VKORC1L1: variants seen among roughly 807,000 people sequenced by gnomAD.
VKORC1L1 encodes the protein vitamin K epoxide reductase complex subunit 1-like protein 1.
A neutral mutation model predicts 18.9 loss-of-function variants in VKORC1L1; 2 were observed. That is an observed-to-expected ratio of 0.11 (90% CI 0.04 to 0.33). The LOEUF is 0.33. Ranked by LOEUF, VKORC1L1 falls within the 10% of genes least tolerant of loss-of-function variation. The pLI, the probability that VKORC1L1 is intolerant of heterozygous loss-of-function variation, is 1.00. For synonymous variants in VKORC1L1, 96 were observed against 100.0 expected (o/e 0.96, Z 0.24); for missense variants, 123 against 224.1 (o/e 0.55, Z 2.88).
At chr7:65,948,866 C>T in intron 2 of VKORC1L1, 86 bp downstream of exon 2, 6 of 1,501,984 alleles carry the variant, frequency 4.0e-6, no homozygotes, top group Non-Finnish European at 5.4e-6. Flanking sequence ...GATGTTAAAG[C>T]ATGTGTTATT....
intron 1 of VKORC1L1, among the ~76,000 whole-genome samples, chr7:65,934,914 C>T (rs1278324606): frequency 6.6e-6 from 1 of 151,704 alleles, no homozygotes; most frequent in African/African-American, 2.4e-5. Flanking sequence ...ATTAGCCGGG[C>T]GTGGTGGTGG....
intron 1 of VKORC1L1, among the ~76,000 whole-genome samples, chr7:65,892,560 G>T (rs1319828478): frequency 6.6e-6 from 1 of 152,016 alleles, no homozygotes; most frequent in Non-Finnish European, 1.5e-5. Flanking sequence ...TTTGTAATTG[G>T]GGGTTTTTGT....
intron 1 of VKORC1L1, among the ~76,000 whole-genome samples, chr7:65,947,948 C>T (rs1228557585): frequency 1.3e-5 from 2 of 152,168 alleles, no homozygotes; most frequent in African/African-American, 4.8e-5. Flanking sequence ...CTCGGCCTCC[C>T]AAGGTGGTGG....
chr7:65,871,857 C>G (rs1205234760), upstream of VKORC1L1, among the ~76,000 whole-genome samples: 1 of 151,754 alleles, frequency 6.6e-6, no homozygotes, highest in Admixed American at 6.6e-5. Context: ...AGATTCCTAG[C>G]CCGTGGAAAC....
chr7:65,909,028 G>A (rs1380901765), intron 1 of VKORC1L1, among the ~76,000 whole-genome samples: 1 of 150,024 alleles, frequency 6.7e-6, no homozygotes, highest in Non-Finnish European at 1.5e-5. Flanking sequence ...CCAGCACTTT[G>A]GGAGGCCGAG....
intron 2 of VKORC1L1, among the ~76,000 whole-genome samples, chr7:65,950,842 G>A (rs545249839): frequency 2.6e-5 from 4 of 152,268 alleles, no homozygotes; most frequent in South Asian, 2.1e-4. Flanking sequence ...GAAAAGGGTC[G>A]GGTGGTTGGG....
chr7:65,873,030 C>T, upstream of VKORC1L1, among the ~76,000 whole-genome samples: 1 of 147,484 alleles, frequency 6.8e-6, no homozygotes, highest in South Asian at 2.1e-4. Context: ...CGGGCTCCAC[C>T]CCTCGCGCGC....
At chr7:65,924,871 T>G (rs1015323548) in intron 1 of VKORC1L1, among the ~76,000 whole-genome samples, 1 of 152,198 alleles carries the variant, frequency 6.6e-6, no homozygotes, top group Non-Finnish European at 1.5e-5. Context: ...GAATATTGTG[T>G]TCTTCCTTAG....
intron 1 of VKORC1L1, among the ~76,000 whole-genome samples, chr7:65,922,276 C>CTT (rs1430884665): frequency 3.5e-5 from 5 of 143,100 alleles, no homozygotes; most frequent in Non-Finnish European, 7.7e-5. Context: ...GATCATGTTC[C>CTT]TTTTTTTTTT....
intron 1 of VKORC1L1, among the ~76,000 whole-genome samples, chr7:65,939,731 C>T (rs938002143): frequency 1.3e-5 from 2 of 152,166 alleles, no homozygotes; most frequent in African/African-American, 4.8e-5. Flanking sequence ...GACAGGGAAG[C>T]CACAGGTTAC....
Position 65,957,921 on chromosome 7 carries a change from T to G in VKORC1L1, c.*3621T>G, listed in dbSNP as rs1456886443. On this transcript the variant is annotated 3_prime_UTR_variant, in exon 3 of 3. Transcript: ENST00000360768. Reference sequence around the variant, plus strand: ...TATTTGCAAAAGTACAGAGTTATCTTCAGCAATTACTTCACAACTTAGATT... The same window carrying G: ...TATTTGCAAAAGTACAGAGTTATCTGCAGCAATTACTTCACAACTTAGATT... 7.1e-6 allele frequency: 1 copy of G among 141,106 alleles called. No individual in the cohort carries two copies. The highest frequency in any genetic ancestry group is 1.6e-5 in the Non-Finnish European group (1 of 62,362). 8.7% of individuals were successfully genotyped at this position (141,106 alleles called of 1,614,324 possible). A position where few individuals can be genotyped will look rare whatever the true frequency, so the allele number is the denominator to read the frequency against.
At chr7:65,938,890 C>G (rs1202248184) in intron 1 of VKORC1L1, among the ~76,000 whole-genome samples, 1 of 152,142 alleles carries the variant, frequency 6.6e-6, no homozygotes, top group African/African-American at 2.4e-5. Flanking sequence ...ACTCCAAGCA[C>G]TCCGGGGGCT....
intron 1 of VKORC1L1, among the ~76,000 whole-genome samples, chr7:65,907,157 T>G (rs1488976369): frequency 6.6e-6 from 1 of 152,104 alleles, no homozygotes; most frequent in East Asian, 1.9e-4. Context: ...TGGAGGTTTT[T>G]GGCCAGGCTC....
chr7:65,873,422 G>T lies in VKORC1L1; in HGVS notation c.51G>T (p.Val17=). 1 of 1,580,990 alleles carries T rather than the reference G, an allele frequency of 6.3e-7. No homozygotes were observed. The change falls in exon 1 of 3, where the codon GTG becomes GTT. Residue 17 remains valine (V), a synonymous_variant. Transcript: ENST00000360768. ...TGTCGGTGCCGCGGTGGGAGCGGGT[G>T]GCCCGGTATGCAGTGTGCGCTGCCG... ...LRVSVPRWER[V]ARYAVCAAGI...
At chr7:65,898,093 T>TG (rs1789247435) in intron 1 of VKORC1L1, among the ~76,000 whole-genome samples, 1 of 111,490 alleles carries the variant, frequency 9.0e-6, no homozygotes, top group Non-Finnish European at 1.9e-5. Flanking sequence ...TTTTTTTTTT[T>TG]TTTTTTTTTT....
chr7:65,945,236 G>A (rs192129702), intron 1 of VKORC1L1, among the ~76,000 whole-genome samples: 1 of 151,970 alleles, frequency 6.6e-6, no homozygotes, highest in East Asian at 1.9e-4. Flanking sequence ...ACTCCAGCCT[G>A]GGCGACAGAG....
upstream of VKORC1L1, among the ~76,000 whole-genome samples, chr7:65,871,013 T>C (rs1011302679): frequency 6.6e-6 from 1 of 152,144 alleles, no homozygotes; most frequent in African/African-American, 2.4e-5. Flanking sequence ...CTTGAACTGC[T>C]GGCCTCAAGC....
intron 1 of VKORC1L1, among the ~76,000 whole-genome samples, chr7:65,925,408 C>T (rs1789745925): frequency 6.6e-6 from 1 of 152,204 alleles, no homozygotes; most frequent in African/African-American, 2.4e-5. Flanking sequence ...TCACTCTTTC[C>T]AGTTCTGACC....
At chr7:65,929,979 C>G (rs1157719633) in intron 1 of VKORC1L1, among the ~76,000 whole-genome samples, 1 of 151,852 alleles carries the variant, frequency 6.6e-6, no homozygotes, top group African/African-American at 2.4e-5. Context: ...TAATTTTCAG[C>G]TTATAAATAC....
Sources: allele counts gnomAD v4.1 joint callset (sites outside exome capture counted in the v4.1 genomes callset), GRCh38; gene constraint gnomAD v4.1.1; transcripts MANE v1.5; gene names NCBI Gene and HGNC (gene_info 2026-07-23, HGNC 2026-07-21).